Variants in DCLK2 observed in about 807,000 individuals in gnomAD.
DCLK2 encodes the protein doublecortin like kinase 2.
DCLK2 carries 31 observed loss-of-function variants against 78.4 expected under a neutral mutation model. The ratio of observed to expected loss-of-function variants is 0.40; its 90% CI spans 0.30 to 0.53. The LOEUF is 0.53. Ranked by LOEUF, DCLK2 falls within the 20% of genes least tolerant of loss-of-function variation. The pLI is 0.61. For synonymous variants in DCLK2, 407 were observed against 374.9 expected (o/e 1.09, Z -0.99); for missense variants, 872 against 973.7 (o/e 0.90, Z 1.39).
intron 2 of DCLK2, among the ~76,000 whole-genome samples, chr4:150,110,202 C>A (rs1033450694): frequency 6.6e-6 from 1 of 152,204 alleles, no homozygotes; most frequent in Non-Finnish European, 1.5e-5. Flanking sequence ...ACTGCAAACT[C>A]TCTTGTTTCC....
chr4:150,092,274 G>A (rs1730137074), intron 1 of DCLK2, among the ~76,000 whole-genome samples: 1 of 152,108 alleles, frequency 6.6e-6, no homozygotes, highest in Non-Finnish European at 1.5e-5. Flanking sequence ...GAGCATCAGA[G>A]TGCCAGTATC....
intron 10 of DCLK2, among the ~76,000 whole-genome samples, chr4:150,234,835 A>G (rs1742358861): frequency 1.3e-5 from 2 of 151,790 alleles, no homozygotes; most frequent in Non-Finnish European, 2.9e-5. Flanking sequence ...ACCGAGCCTC[A>G]GGAGGAAAGT....
intron 5 of DCLK2, among the ~76,000 whole-genome samples, chr4:150,212,064 G>A (rs1740359213): frequency 6.6e-6 from 1 of 152,192 alleles, no homozygotes; most frequent in Admixed American, 6.5e-5. Flanking sequence ...CAGAGTCACA[G>A]CACATCTGTG....
intron 2 of DCLK2, among the ~76,000 whole-genome samples, chr4:150,144,436 C>T (rs1009990546): frequency 2.6e-5 from 4 of 151,940 alleles, no homozygotes; most frequent in East Asian, 3.9e-4. Flanking sequence ...TCCATTGATC[C>T]GTGTGCATAT....
intron 2 of DCLK2, among the ~76,000 whole-genome samples, chr4:150,157,489 T>G (rs200693225): frequency 8.2e-4 from 81 of 98,906 alleles, no homozygotes; most frequent in African/African-American, 2.0e-3. Context: ...GAGATGGTTT[T>G]TTTGTTTGTT....
In DCLK2 at chr4:150,256,327, C is replaced by T; in HGVS notation, c.*80C>T. On this transcript the variant is annotated 3_prime_UTR_variant, in exon 16 of 16. Coordinates refer to ENST00000296550, the MANE Select transcript of DCLK2 (RefSeq NM_001040260.4). ...CTCGGCCTCGCCGGCCTCCCTGCTG[C>T]AGGCCTCCCTCTCTTCACCGCCTGC... 1 of 1,435,856 alleles carries T rather than the reference C, an allele frequency of 7.0e-7. No homozygotes were observed. Among genetic ancestry groups the T allele is most frequent in the East Asian group, 2.5e-5 (1 of 39,938 alleles). The allele number at this position is 1,435,856 out of a possible 1,614,324, so 88.9% of individuals were successfully genotyped here. A position where few individuals can be genotyped will look rare whatever the true frequency, so the allele number is the denominator to read the frequency against.
At chr4:150,238,943 A>G (rs1396804570) in intron 10 of DCLK2, among the ~76,000 whole-genome samples, 1 of 152,170 alleles carries the variant, frequency 6.6e-6, no homozygotes, top group Non-Finnish European at 1.5e-5. Flanking sequence ...CAAGGACCCC[A>G]TTGCTGCCCC....
chr4:150,213,487 AT>A (rs1740461384), intron 5 of DCLK2, among the ~76,000 whole-genome samples: 1 of 152,250 alleles, frequency 6.6e-6, no homozygotes, highest in African/African-American at 2.4e-5. Context: ...TTCAGCATTT[AT>A]AATACTTTAC....
intron 7 of DCLK2, among the ~76,000 whole-genome samples, chr4:150,222,005 A>T (rs947944650): frequency 4.1e-5 from 6 of 144,780 alleles, no homozygotes; most frequent in African/African-American, 1.0e-4. Context: ...TATTTATTTA[A>T]AAAAAAGGCA....
intron 15 of DCLK2, among the ~76,000 whole-genome samples, chr4:150,250,741 A>G (rs1192196794): frequency 6.6e-6 from 1 of 151,504 alleles, no homozygotes; most frequent in East Asian, 1.9e-4. Context: ...TTTCCTACCC[A>G]ACTAGAAGGG....
chr4:150,192,478 C>CAAAAAAAAA (rs56235708), intron 2 of DCLK2, among the ~76,000 whole-genome samples: 1 of 112,512 alleles, frequency 8.9e-6, no homozygotes, highest in African/African-American at 3.5e-5. Context: ...GATTGCGTCT[C>CAAAAAAAAA]AAAAAAAAAA....
intron 12 of DCLK2, among the ~76,000 whole-genome samples, chr4:150,246,706 T>C (rs1743343424): frequency 6.6e-6 from 1 of 152,094 alleles, no homozygotes; most frequent in Non-Finnish European, 1.5e-5. Flanking sequence ...TGAGGTTATA[T>C]GGGAGGTTGG....
intron 1 of DCLK2, among the ~76,000 whole-genome samples, chr4:150,098,276 T>C (rs9307866): frequency 0.38 from 57,502 of 151,908 alleles, 11,126 homozygotes; most frequent in Non-Finnish European, 0.42. Context: ...TGTTTGGTAT[T>C]GTGGATTGCA....
chr4:150,216,632 C>A lies in DCLK2; in HGVS notation c.1057-4071C>A, dbSNP rs546544222. 3.5e-4 allele frequency among the ~76,000 whole-genome samples: 53 copies of A among 152,090 alleles called. No homozygotes were observed. In the South Asian group the frequency reaches 0.011, roughly 31 times the overall value. On this transcript the variant is annotated intron_variant, in intron 5 of 15. Transcript: ENST00000296550. ...CCAGCCTGGGTGACAAAGTGAGACT[C>A]CGTCTCAAAAAAAAAAGTTATTAGC...
chr4:150,106,912 A>G (rs1040540666), intron 2 of DCLK2, among the ~76,000 whole-genome samples: 1 of 152,216 alleles, frequency 6.6e-6, no homozygotes, highest in Non-Finnish European at 1.5e-5. Flanking sequence ...ACTTCAAATA[A>G]AATCATATTT....
intron 10 of DCLK2, among the ~76,000 whole-genome samples, chr4:150,234,283 C>T (rs116091683): frequency 1.7e-3 from 256 of 152,370 alleles, no homozygotes; most frequent in African/African-American, 6.0e-3. Flanking sequence ...TTCTGCTGCA[C>T]TTGCTACGGT....
chr4:150,166,193 T>C (rs891006364), intron 2 of DCLK2, among the ~76,000 whole-genome samples: 1 of 152,142 alleles, frequency 6.6e-6, no homozygotes, highest in Non-Finnish European at 1.5e-5. Flanking sequence ...CAGAAGTTAT[T>C]TAAAAATCTA....
chr4:150,102,974 T>C (rs545743487), intron 2 of DCLK2, among the ~76,000 whole-genome samples, 162 bp downstream of exon 2: 2 of 152,204 alleles, frequency 1.3e-5, no homozygotes, highest in African/African-American at 4.8e-5. Context: ...TGTGTATGTA[T>C]GTAAAATTAA....
chr4:150,208,170 G>A (rs1739989548), intron 5 of DCLK2, among the ~76,000 whole-genome samples: 1 of 152,168 alleles, frequency 6.6e-6, no homozygotes, highest in South Asian at 2.1e-4. Context: ...GCAAGGACAG[G>A]GAGGGAAGCC....
Sources: allele counts gnomAD v4.1 joint callset (sites outside exome capture counted in the v4.1 genomes callset), GRCh38; gene constraint gnomAD v4.1.1; transcripts MANE v1.5; gene names NCBI Gene and HGNC (gene_info 2026-07-23, HGNC 2026-07-21).